Variants in ZNRF3 observed in about 807,000 individuals in gnomAD.
The protein encoded by ZNRF3 is E3 ubiquitin-protein ligase ZNRF3.
Under a neutral mutation model 72.5 loss-of-function variants are expected in ZNRF3, and 23 were observed. The observed-to-expected ratio is 0.32, with a 90% CI of 0.23 to 0.45. The LOEUF (loss-of-function observed/expected upper bound fraction) is 0.45, where lower values mean the gene tolerates loss of function less well. Ranked by LOEUF, ZNRF3 falls within the 20% of genes least tolerant of loss-of-function variation. The pLI is 1.00. For synonymous variants in ZNRF3, 610 were observed against 545.3 expected (o/e 1.12, Z -1.65); for missense variants, 1,169 against 1,272.1 (o/e 0.92, Z 1.23).
intron 2 of ZNRF3, among the ~76,000 whole-genome samples, chr22:29,006,541 T>A (rs1194325722): frequency 1.3e-5 from 2 of 152,152 alleles, no homozygotes; most frequent in Non-Finnish European, 2.9e-5. Flanking sequence ...CCTGATATTG[T>A]CTTTCCTTAT....
At chr22:29,047,210 T>G (rs927264013) in intron 6 of ZNRF3, among the ~76,000 whole-genome samples, 3 of 152,228 alleles carry the variant, frequency 2.0e-5, no homozygotes, top group Admixed American at 1.3e-4. Flanking sequence ...TGAGCTATTA[T>G]TACACCGCTG....
chr22:29,012,671 C>T (rs561617417), intron 2 of ZNRF3, among the ~76,000 whole-genome samples: 42 of 152,224 alleles, frequency 2.8e-4, no homozygotes, highest in Non-Finnish European at 5.7e-4. Flanking sequence ...CGTTAACTTA[C>T]TTGTTAAATT....
intron 1 of ZNRF3, among the ~76,000 whole-genome samples, chr22:28,911,662 C>T (rs1425429336): frequency 1.4e-5 from 2 of 146,576 alleles, no homozygotes; most frequent in African/African-American, 5.0e-5. Flanking sequence ...TGGCATTTGA[C>T]CTTGGTTAGC....
chr22:28,953,469 GAA>G (rs1374655923), intron 1 of ZNRF3, among the ~76,000 whole-genome samples: 1 of 152,202 alleles, frequency 6.6e-6, no homozygotes, highest in Non-Finnish European at 1.5e-5. Flanking sequence ...TGAAGTTTAG[GAA>G]AAGAGTGTGC....
At chr22:28,986,322 T>G (rs188552612) in intron 1 of ZNRF3, among the ~76,000 whole-genome samples, 5 of 152,366 alleles carry the variant, frequency 3.3e-5, no homozygotes, top group African/African-American at 1.2e-4. Flanking sequence ...ATCAGCTTCT[T>G]GATAAGTTAT....
At chr22:28,918,575 T>C (rs940300902) in intron 1 of ZNRF3, among the ~76,000 whole-genome samples, 1 of 135,562 alleles carries the variant, frequency 7.4e-6, no homozygotes, top group African/African-American at 2.8e-5. Context: ...TGTGTGTGTG[T>C]GTGTGTAAAG....
intron 1 of ZNRF3, among the ~76,000 whole-genome samples, chr22:28,909,844 C>A (rs1230143957): frequency 6.6e-6 from 1 of 150,490 alleles, no homozygotes; most frequent in Non-Finnish European, 1.5e-5. Flanking sequence ...CCATTCACCT[C>A]GGCCTTCCAA....
At chr22:28,991,355 G>T (rs1230861740) in intron 2 of ZNRF3, among the ~76,000 whole-genome samples, 4 of 147,722 alleles carry the variant, frequency 2.7e-5, no homozygotes, top group Admixed American at 6.8e-5. Flanking sequence ...CTCTCTCCAA[G>T]GCTTAATAGT....
At position 29,053,801 on chromosome 22, in the gene ZNRF3, C is replaced by G. The variant is rs920107192; in HGVS notation, c.*179C>G. ...CCCCTGTGGCAAAACCACCCCCTACCCCATTAACAAATCAACAGACAAAAT... is the reference window on the plus strand; with the variant it reads ...CCCCTGTGGCAAAACCACCCCCTACGCCATTAACAAATCAACAGACAAAAT... On this transcript the variant is annotated 3_prime_UTR_variant, in exon 9 of 9. Transcript: ENST00000544604. The G allele has an allele frequency of 3.6e-6, 2 of 550,240 alleles. No individual in the cohort carries two copies. Among genetic ancestry groups the G allele is most frequent in the Non-Finnish European group, 6.4e-6 (2 of 314,012 alleles). The allele number at this position is 550,240 out of a possible 1,614,324, so 34.1% of individuals were successfully genotyped here. A position where few individuals can be genotyped will look rare whatever the true frequency, so the allele number is the denominator to read the frequency against.
intron 1 of ZNRF3, among the ~76,000 whole-genome samples, chr22:28,985,121 C>T (rs1382495782): frequency 6.6e-6 from 1 of 152,142 alleles, no homozygotes; most frequent in Non-Finnish European, 1.5e-5. Flanking sequence ...ACCCTTTGCC[C>T]TCCACTCGTT....
At chr22:28,986,613 C>G in intron 1 of ZNRF3, 2 of 985,370 alleles carry the variant, frequency 2.0e-6, no homozygotes, top group Non-Finnish European at 2.4e-6. Flanking sequence ...TGCATAGAGT[C>G]CGGGATGTGT....
At position 28,973,819 on chromosome 22, in the gene ZNRF3, C is replaced by T. The variant is rs188045925; in HGVS notation, c.301-13257C>T. Among the ~76,000 whole-genome samples, 678 of 152,318 alleles carry T rather than the reference C, an allele frequency of 4.5e-3. 8 individuals carry two copies. The highest frequency in any genetic ancestry group is 2.8e-3 in the Non-Finnish European group (193 of 68,028). On this transcript the variant is annotated intron_variant, in intron 1 of 8. Coordinates refer to ENST00000544604, the MANE Select transcript of ZNRF3 (RefSeq NM_001206998.2). Reference sequence around the variant, plus strand: ...ACTGGAGGGTAATGAACCTGCCTCTCAAGGGCCTGCCTTCCTTTGCATTCA... The same window carrying T: ...ACTGGAGGGTAATGAACCTGCCTCTTAAGGGCCTGCCTTCCTTTGCATTCA...
At chr22:28,904,666 C>G (rs1262181108) in intron 1 of ZNRF3, among the ~76,000 whole-genome samples, 3 of 152,024 alleles carry the variant, frequency 2.0e-5, no homozygotes, top group Non-Finnish European at 4.4e-5. Context: ...TTCCTTTTAT[C>G]CTGTTTAGTT....
At chr22:28,962,976 C>T (rs1218713112) in intron 1 of ZNRF3, among the ~76,000 whole-genome samples, 3 of 152,142 alleles carry the variant, frequency 2.0e-5, no homozygotes, top group African/African-American at 7.2e-5. Flanking sequence ...TTTGTGACTT[C>T]ACCATATACA....
intron 1 of ZNRF3, among the ~76,000 whole-genome samples, chr22:28,943,386 A>G (rs924755839): frequency 2.6e-5 from 4 of 152,090 alleles, no homozygotes; most frequent in Non-Finnish European, 4.4e-5. Flanking sequence ...GTTGTCTCTC[A>G]TGTTGGATTA....
chr22:28,970,614 A>G (rs1360094269), intron 1 of ZNRF3, among the ~76,000 whole-genome samples: 1 of 152,222 alleles, frequency 6.6e-6, no homozygotes, highest in Non-Finnish European at 1.5e-5. Context: ...TCCAATGTCC[A>G]TCAACAGATG....
chr22:28,896,011 A>T (rs188054310), intron 1 of ZNRF3, among the ~76,000 whole-genome samples: 6,845 of 147,374 alleles, frequency 0.046, 220 homozygotes, highest in Non-Finnish European at 0.069. Context: ...AGTGCAGTGG[A>T]GTGATCTTGG....
At chr22:28,911,211 G>A (rs1370413000) in intron 1 of ZNRF3, among the ~76,000 whole-genome samples, 2 of 152,184 alleles carry the variant, frequency 1.3e-5, no homozygotes, top group African/African-American at 2.4e-5. Context: ...TGGGGAATTG[G>A]GGAGGGAAAG....
At chr22:28,956,543 C>T (rs1245009241) in intron 1 of ZNRF3, among the ~76,000 whole-genome samples, 2 of 152,044 alleles carry the variant, frequency 1.3e-5, no homozygotes, top group Non-Finnish European at 2.9e-5. Flanking sequence ...GGAAGAGGGA[C>T]TCGTCTGCAA....
Sources: allele counts gnomAD v4.1 joint callset (sites outside exome capture counted in the v4.1 genomes callset), GRCh38; gene constraint gnomAD v4.1.1; transcripts MANE v1.5; gene names NCBI Gene and HGNC (gene_info 2026-07-23, HGNC 2026-07-21).